ZNF717: variants seen among roughly 807,000 people sequenced by gnomAD.
The protein encoded by ZNF717 is krueppel-like factor X17.
ZNF717 carries 9 observed loss-of-function variants against 13.8 expected under a neutral mutation model. The ratio of observed to expected loss-of-function variants is 0.65; its 90% CI spans 0.39 to 1.14. The LOEUF is 1.14. ZNF717 is among the 50% of genes most tolerant of loss of function. The pLI is 0.01. For missense variants in ZNF717, 1,040 were observed against 1,080.7 expected (o/e 0.96, Z 0.53); for synonymous variants, 327 against 364.1 (o/e 0.90, Z 1.16).
At chr3:75,707,255 GCA>G (rs1937825208), downstream of ZNF717, among the ~76,000 whole-genome samples, 49 of 143,786 alleles carry the variant, frequency 3.4e-4, no homozygotes, top group Non-Finnish European at 5.5e-4. Context: ...CAACCCCTTA[GCA>G]CCAAATTCTT....
At chr3:75,700,401 A>AAG in intron 6 of ZNF717, among the ~76,000 whole-genome samples, 1 of 152,258 alleles carries the variant, frequency 6.6e-6, no homozygotes, top group East Asian at 1.9e-4. Context: ...GAAAAAAAAA[A>AAG]AAAAGACATT....
intron 2 of ZNF717, among the ~76,000 whole-genome samples, chr3:75,751,815 G>T: frequency 6.6e-6 from 1 of 151,822 alleles, no homozygotes; most frequent in Non-Finnish European, 1.5e-5. Context: ...TAGGATTTGA[G>T]AACACTGCTG....
chr3:75,728,750 G>A (rs1347765035), downstream of ZNF717, among the ~76,000 whole-genome samples: 2 of 152,236 alleles, frequency 1.3e-5, no homozygotes, highest in African/African-American at 4.8e-5. Context: ...AGAGCTGTGA[G>A]TCAATTAAAC....
downstream of ZNF717, among the ~76,000 whole-genome samples, chr3:75,734,827 T>A (rs1467969142): frequency 3.6e-4 from 40 of 109,736 alleles, no homozygotes; most frequent in African/African-American, 1.0e-3. Flanking sequence ...ATTTTTTTTT[T>A]TTTTTTTTTT....
chr3:75,744,780 A>C (rs74857629), intron 2 of ZNF717, among the ~76,000 whole-genome samples: 426 of 150,980 alleles, frequency 2.8e-3, no homozygotes, highest in Non-Finnish European at 4.7e-3. Context: ...ATTTTGAAAT[A>C]TGTCAGAGCA....
chr3:75,719,966 T>TA (rs1335915385), intron 4 of ZNF717, among the ~76,000 whole-genome samples: 30 of 75,218 alleles, frequency 4.0e-4, no homozygotes, highest in African/African-American at 1.9e-3. Context: ...CTCAAAATAA[T>TA]AATAAATAAT....
At chr3:75,755,213 G>A (rs1942364053) in intron 2 of ZNF717, among the ~76,000 whole-genome samples, 1 of 152,190 alleles carries the variant, frequency 6.6e-6, no homozygotes, top group Non-Finnish European at 1.5e-5. Flanking sequence ...TCTTTAGAGG[G>A]AAACAAAAGA....
intron 2 of ZNF717, among the ~76,000 whole-genome samples, chr3:75,776,688 C>T (rs1017988085): frequency 1.3e-5 from 2 of 152,166 alleles, no homozygotes; most frequent in Admixed American, 6.5e-5. Context: ...CACTCAGAAC[C>T]GTATACCCAT....
chr3:75,704,077 T>A (rs1299521944), intron 6 of ZNF717, among the ~76,000 whole-genome samples: 1 of 152,298 alleles, frequency 6.6e-6, no homozygotes, highest in African/African-American at 2.4e-5. Context: ...TTAAAACCAA[T>A]AGCCTTGACT....
At chr3:75,707,507 C>T (rs1465537221), downstream of ZNF717, among the ~76,000 whole-genome samples, 2 of 152,414 alleles carry the variant, frequency 1.3e-5, no homozygotes, top group East Asian at 3.9e-4. Context: ...CTCTGGTCTA[C>T]AGCTCCCAGC....
At chr3:75,771,279 C>T (rs570785377) in intron 2 of ZNF717, among the ~76,000 whole-genome samples, 1 of 152,342 alleles carries the variant, frequency 6.6e-6, no homozygotes, top group East Asian at 1.9e-4. Context: ...GCTTCTGGAC[C>T]TCACTCCTCA....
At chr3:75,782,868 C>CA (rs1274171360) in intron 2 of ZNF717, among the ~76,000 whole-genome samples, 5 of 152,108 alleles carry the variant, frequency 3.3e-5, no homozygotes, top group Admixed American at 2.6e-4. Flanking sequence ...CACTGCACAA[C>CA]ATGCCGTGCT....
At chr3:75,767,261 G>GACTCCAGCAACACACACTCCTAA (rs1943551532) in intron 2 of ZNF717, among the ~76,000 whole-genome samples, 4 of 152,186 alleles carry the variant, frequency 2.6e-5, no homozygotes, top group African/African-American at 9.7e-5. Context: ...CAACTAGTGA[G>GACTCCAGCAACACACACTCCTAA]CCACCCTGCA....
chr3:75,736,862 G>A lies in ZNF717; in HGVS notation c.*16C>T. The stretch of plus-strand genomic sequence containing the variant: ...AGAAATCTGTAATAGTAGCCAGAGA[G>A]GTGTAGGTTGTGTGTTCAAGGGAAA... On this transcript the variant is annotated 3_prime_UTR_variant, in exon 5 of 5. Transcript: ENST00000652011. 6.8e-7 allele frequency: 1 copy of A among 1,477,046 alleles called. No homozygotes were observed. The highest frequency in any genetic ancestry group is 2.1e-5 in the Admixed American group (1 of 47,116). The allele number at this position is 1,477,046 out of a possible 1,614,324, so 91.5% of individuals were successfully genotyped here.
intron 2 of ZNF717, among the ~76,000 whole-genome samples, chr3:75,762,119 A>G (rs1221910875): frequency 6.6e-6 from 1 of 152,114 alleles, no homozygotes; most frequent in Non-Finnish European, 1.5e-5. Flanking sequence ...AAGAAAAAGA[A>G]AACAAAAGAA....
chr3:75,696,219 T>C (rs1937600863), intron 6 of ZNF717, among the ~76,000 whole-genome samples: 1 of 152,274 alleles, frequency 6.6e-6, no homozygotes, highest in African/African-American at 2.4e-5. Context: ...TACAGGAAAT[T>C]AATTCTTAGA....
At chr3:75,753,447 ATGTT>A (rs1385166234) in intron 2 of ZNF717, among the ~76,000 whole-genome samples, 2 of 148,884 alleles carry the variant, frequency 1.3e-5, no homozygotes, top group Non-Finnish European at 3.0e-5. Flanking sequence ...GAGGGTCTGA[ATGTT>A]TGTCCCTCAC....
At chr3:75,778,179 ACT>A in intron 2 of ZNF717, among the ~76,000 whole-genome samples, 1 of 152,152 alleles carries the variant, frequency 6.6e-6, no homozygotes, top group East Asian at 1.9e-4. Context: ...GACCTGCTAA[ACT>A]AGAAACCCAA....
chr3:75,781,442 A>G (rs1409411417), intron 2 of ZNF717, among the ~76,000 whole-genome samples: 1 of 152,196 alleles, frequency 6.6e-6, no homozygotes, highest in East Asian at 1.9e-4. Flanking sequence ...TTATTGCTCA[A>G]CTAAACTCCT....
Sources: allele counts gnomAD v4.1 joint callset (sites outside exome capture counted in the v4.1 genomes callset), GRCh38; gene constraint gnomAD v4.1.1; transcripts MANE v1.5; gene names NCBI Gene and HGNC (gene_info 2026-07-23, HGNC 2026-07-21).